Variants in SUMF1 observed in about 807,000 individuals in gnomAD.
SUMF1 encodes the protein formylglycine-generating enzyme.
A neutral mutation model predicts 47.6 loss-of-function variants in SUMF1; 48 were observed. That is an observed-to-expected ratio of 1.01 (90% confidence interval 0.80 to 1.28). The LOEUF (loss-of-function observed/expected upper bound fraction) is 1.28, where lower values mean the gene tolerates loss of function less well. SUMF1 is among the 50% of genes most tolerant of loss of function. The probability of loss-of-function intolerance (pLI) is 0.00; values close to 1 mark genes in which losing one functional copy is unlikely to be tolerated. For missense variants in SUMF1, 571 were observed against 485.4 expected (o/e 1.18, Z -1.66); for synonymous variants, 230 against 192.1 (o/e 1.20, Z -1.63).
intron 3 of SUMF1, among the ~76,000 whole-genome samples, chr3:4,437,135 G>A (rs1445869920): frequency 6.6e-6 from 1 of 152,172 alleles, no homozygotes; most frequent in African/African-American, 2.4e-5. Context: ...AAGGAATGGA[G>A]AGTACAGATA....
At chr3:4,167,762 C>T (rs954260379) in intron 8 of SUMF1, among the ~76,000 whole-genome samples, 1 of 152,168 alleles carries the variant, frequency 6.6e-6, no homozygotes, top group Non-Finnish European at 1.5e-5. Context: ...GTCAAAGAAG[C>T]AAGCGCTAAG....
At chr3:4,203,791 G>C (rs965204744) in intron 8 of SUMF1, among the ~76,000 whole-genome samples, 1 of 151,446 alleles carries the variant, frequency 6.6e-6, no homozygotes, top group African/African-American at 2.4e-5. Flanking sequence ...CATGAGGCTT[G>C]AAAATAACAT....
intron 8 of SUMF1, among the ~76,000 whole-genome samples, chr3:4,338,581 C>T (rs1459035050): frequency 2.6e-5 from 4 of 152,140 alleles, no homozygotes; most frequent in East Asian, 1.9e-4. Flanking sequence ...CCAATGTTTT[C>T]GAGCATCTAC....
Position 4,110,238 on chromosome 3 carries a change from G to A in SUMF1, c.1015-41493C>T, listed in dbSNP as rs371109639. ...TCAGCAGCGGAGGCTGCAGAACAGCGGATATTGGTGAACAGCAGATGTTGC... is the reference window on the plus strand; with the variant it reads ...TCAGCAGCGGAGGCTGCAGAACAGCAGATATTGGTGAACAGCAGATGTTGC... On this transcript the variant is annotated intron_variant and NMD_transcript_variant, in intron 8 of 12. Coordinates refer to the SUMF1 transcript ENST00000448413. Among the ~76,000 whole-genome samples the A allele has an allele frequency of 7.2e-4, 110 of 152,194 alleles. 1 individual carries two copies. The highest frequency in any genetic ancestry group is 2.2e-3 in the African/African-American group (90 of 41,494).
intron 8 of SUMF1, among the ~76,000 whole-genome samples, chr3:4,189,173 T>A (rs1226615600): frequency 6.6e-6 from 1 of 152,118 alleles, no homozygotes; most frequent in East Asian, 1.9e-4. Context: ...AAGCTGGGGA[T>A]TTTTTGTATT....
Position 4,455,768 on chromosome 3 carries a change from G to A in SUMF1, c.271-2719C>T, listed in dbSNP as rs545726219. On this transcript the variant is annotated intron_variant, in intron 1 of 8. Coordinates refer to ENST00000272902, the MANE Select transcript of SUMF1 (RefSeq NM_182760.4). ...TTCCATCAAGAAAAGCCCAGAACCA[G>A]ATGGCTTCATGGCAGAATTCTAATT... is the stretch of plus-strand genomic sequence containing the variant. Among the ~76,000 whole-genome samples, 36 of 152,170 alleles carry A rather than the reference G, an allele frequency of 2.4e-4. 1 individual carries two copies. The South Asian group carries it at 7.5e-3, about 32-fold the overall frequency.
Position 4,467,021 on chromosome 3 carries a change from G to C in SUMF1, c.225C>G (p.Asn75Lys), listed in dbSNP as rs1398783395. ...GCTCTCCGGGTACGGGGCCCGGAGC[G>C]TTAGCCTCCCGCGAGTATCGGTGAG... ...AAAHRYSREA[N>K]APGPVPGERQ... The change falls in exon 1 of 9, where the codon AAC becomes AAG. Residue 75 changes from asparagine (N) to lysine (K), a missense_variant. Asn to Lys is a moderately conservative substitution (Grantham distance 94). Transcript: ENST00000272902. The C allele has an allele frequency of 3.1e-6, 5 of 1,589,840 alleles. No individual in the cohort carries two copies. In the South Asian group the frequency reaches 5.7e-5, roughly 18 times the overall value.
chr3:4,035,412 T>TC (rs1559415833), intron 9 of SUMF1, among the ~76,000 whole-genome samples: 1 of 152,178 alleles, frequency 6.6e-6, no homozygotes, highest in African/African-American at 2.4e-5. Context: ...CATGTGAGTT[T>TC]CTCATCTTCT....
chr3:4,443,078 C>T (rs1702659114), intron 3 of SUMF1, among the ~76,000 whole-genome samples: 1 of 150,952 alleles, frequency 6.6e-6, no homozygotes, highest in Non-Finnish European at 1.5e-5. Context: ...GAGATCGAGA[C>T]CAGTCTGAGC....
chr3:4,443,975 C>G lies in SUMF1; in HGVS notation c.519+5291G>C, dbSNP rs549590973. On this transcript the variant is annotated intron_variant, in intron 3 of 8. Transcript: ENST00000272902. ...AAACTAGATATTGAAAGCTTCTACCCCATACCTGAGAATACTGACCCAATG... is the reference window on the plus strand; with the variant it reads ...AAACTAGATATTGAAAGCTTCTACCGCATACCTGAGAATACTGACCCAATG... 1.3e-3 allele frequency among the ~76,000 whole-genome samples: 198 copies of G among 152,092 alleles called. 1 individual carries two copies. The highest frequency in any genetic ancestry group is 4.6e-3 in the African/African-American group (192 of 41,500).
chr3:4,220,745 G>T (rs1026602866), intron 8 of SUMF1, among the ~76,000 whole-genome samples: 2 of 152,044 alleles, frequency 1.3e-5, no homozygotes, highest in Non-Finnish European at 2.9e-5. Context: ...TCCTTCTGGG[G>T]CTCAGTTTCT....
At chr3:4,098,601 C>T (rs887150550) in intron 8 of SUMF1, among the ~76,000 whole-genome samples, 6 of 152,096 alleles carry the variant, frequency 3.9e-5, no homozygotes, top group African/African-American at 1.4e-4. Flanking sequence ...CTAGATGTAG[C>T]CTATTTTTTC....
At chr3:4,268,204 G>A (rs1449037487) in intron 8 of SUMF1, among the ~76,000 whole-genome samples, 2 of 152,078 alleles carry the variant, frequency 1.3e-5, no homozygotes, top group Non-Finnish European at 2.9e-5. Flanking sequence ...CATGGACACA[G>A]GAGGGGGAAC....
chr3:4,185,081 A>T (rs1380715441), intron 8 of SUMF1, among the ~76,000 whole-genome samples: 1 of 152,202 alleles, frequency 6.6e-6, no homozygotes, highest in Non-Finnish European at 1.5e-5. Context: ...TAGACCTATG[A>T]AGTAGTCTAT....
At chr3:4,178,367 G>C (rs1695015706) in intron 8 of SUMF1, among the ~76,000 whole-genome samples, 1 of 152,084 alleles carries the variant, frequency 6.6e-6, no homozygotes, top group African/African-American at 2.4e-5. Flanking sequence ...TTCATCCCTG[G>C]GATGCAAGTC....
At chr3:4,066,218 A>C (rs187852868) in intron 9 of SUMF1, among the ~76,000 whole-genome samples, 1 of 152,186 alleles carries the variant, frequency 6.6e-6, no homozygotes, top group East Asian at 1.9e-4. Flanking sequence ...AATTGCAAAA[A>C]TGCCAAAACA....
rs560315006 is a variant in SUMF1 at position 4,363,944 on chromosome 3, A to C, written c.1015-1690T>G. 4.1e-4 allele frequency among the ~76,000 whole-genome samples: 59 copies of C among 145,576 alleles called. 1 individual carries two copies. The highest frequency in any genetic ancestry group is 1.5e-3 in the African/African-American group (56 of 38,614). ...AGTTTTTAGCATGAAGGGTTGTTGA[A>C]TTGTGTCAAAGGCCTTTTCTGCATC... is the stretch of plus-strand genomic sequence containing the variant. On this transcript the variant is annotated intron_variant, in intron 8 of 8. Transcript: ENST00000272902.
chr3:4,297,429 G>A (rs1408324330), intron 8 of SUMF1, among the ~76,000 whole-genome samples: 1 of 152,046 alleles, frequency 6.6e-6, no homozygotes, highest in South Asian at 2.1e-4. Flanking sequence ...TAGAGAGAAG[G>A]TCTCTCTCCG....
intron 7 of SUMF1, among the ~76,000 whole-genome samples, chr3:4,394,031 G>A (rs1700961441): frequency 6.6e-6 from 1 of 152,110 alleles, no homozygotes; most frequent in South Asian, 2.1e-4. Flanking sequence ...TTAAGGACAT[G>A]TAAATGCTGA....
Sources: allele counts gnomAD v4.1 joint callset (sites outside exome capture counted in the v4.1 genomes callset), GRCh38; gene constraint gnomAD v4.1.1; transcripts MANE v1.5; gene names NCBI Gene and HGNC (gene_info 2026-07-23, HGNC 2026-07-21).